The following MYBPC1 variants were observed in gnomAD, a reference collection of about 807,000 sequenced individuals.
MYBPC1 encodes the protein myosin binding protein C1.
A neutral mutation model predicts 147.1 loss-of-function variants in MYBPC1; 52 were observed. The observed-to-expected ratio is 0.35, with a 90% CI of 0.28 to 0.45. The LOEUF (loss-of-function observed/expected upper bound fraction) is 0.45, where lower values mean the gene tolerates loss of function less well. Ranked by LOEUF, MYBPC1 falls within the 20% of genes least tolerant of loss-of-function variation. MYBPC1 has a pLI of 1.00. For synonymous variants in MYBPC1, 477 were observed against 475.9 expected (o/e 1.00, Z -0.03); for missense variants, 1,228 against 1,440.3 (o/e 0.85, Z 2.39).
In MYBPC1 at chr12:101,618,463, G is replaced by A. The variant is rs571648166; in HGVS notation, c.103+1220G>A. On this transcript the variant is annotated intron_variant, in intron 3 of 31. Coordinates refer to ENST00000361466, the MANE Select transcript of MYBPC1 (RefSeq NM_002465.4). ...TCAAGGAGGTTTGGGCATCCTGGCT[G>A]AAATTATTGTAATATTATTCTCTAC... 2.9e-4 allele frequency among the ~76,000 whole-genome samples: 44 copies of A among 152,282 alleles called. No homozygotes were observed. In the South Asian group the frequency reaches 8.9e-3, roughly 31 times the overall value.
At chr12:101,615,662 GCCC>G (rs200320748) in intron 2 of MYBPC1, among the ~76,000 whole-genome samples, 1,137 of 43,468 alleles carry the variant, frequency 0.026, 30 homozygotes, top group African/African-American at 0.082. Context: ...AGAACCCCCC[GCCC>G]CCCCCCCGCC....
At position 101,615,997 on chromosome 12, in the gene MYBPC1, C is replaced by G. The variant is rs188094348; in HGVS notation, c.62-1205C>G. Among the ~76,000 whole-genome samples the G allele has an allele frequency of 3.3e-3, 497 of 151,340 alleles. 6 individuals carry two copies. Among genetic ancestry groups the G allele is most frequent in the Non-Finnish European group, 7.2e-4 (49 of 67,968 alleles). On this transcript the variant is annotated intron_variant, in intron 2 of 31. Transcript: ENST00000361466. ...CTCACCGCAGCCTCAAACTCTTGGG[C>G]GCAAGCAGAGATTGTTTTTCAGGAG...
At chr12:101,604,739 T>C (rs1346209606) in intron 1 of MYBPC1, among the ~76,000 whole-genome samples, 2 of 152,202 alleles carry the variant, frequency 1.3e-5, no homozygotes, top group Admixed American at 6.5e-5. Context: ...TTCTTTCCAA[T>C]TTTTCTTAGC....
chr12:101,627,407 T>C (rs1225784019), intron 4 of MYBPC1, among the ~76,000 whole-genome samples: 3 of 152,002 alleles, frequency 2.0e-5, no homozygotes. Flanking sequence ...CAAGCTGGGC[T>C]AATTTTTGTA....
At chr12:101,624,719 G>GTTTTTTTT (rs1888185227) in intron 3 of MYBPC1, among the ~76,000 whole-genome samples, 3 of 92,368 alleles carry the variant, frequency 3.2e-5, no homozygotes, top group African/African-American at 1.2e-4. Flanking sequence ...TACGGAGAGA[G>GTTTTTTTT]TCTTGTTATG....
intron 1 of MYBPC1, chr12:101,600,540 T>A (rs1879488128): frequency 6.6e-6 from 1 of 152,202 alleles, no homozygotes; most frequent in Non-Finnish European, 1.5e-5. Context: ...TTCTTTTCAA[T>A]TTTGTATGGT....
Position 101,655,021 on chromosome 12 carries a change from C to T in MYBPC1, c.1767+1773C>T, listed in dbSNP as rs959691944. On this transcript the variant is annotated intron_variant, in intron 18 of 31. Coordinates refer to ENST00000361466, the MANE Select transcript of MYBPC1 (RefSeq NM_002465.4). ...GACAAAATTAGCAATATCCTGCCAT[C>T]CAGTCAAACATTATGGTAGAGAAAT... Among the ~76,000 whole-genome samples the T allele has an allele frequency of 2.6e-5, 4 of 152,258 alleles. No individual in the cohort carries two copies. In the East Asian group the frequency reaches 7.7e-4, roughly 29 times the overall value.
the MYBPC1 span, among the ~76,000 whole-genome samples, chr12:101,693,415 A>G: frequency 0.51 from 77,950 of 151,940 alleles, 20,995 homozygotes; most frequent in Admixed American, 0.6. Flanking sequence ...ATGGCCCCCC[A>G]CAATACCCAC....
At chr12:101,689,987 CAACA>C (rs1263334400), downstream of MYBPC1, among the ~76,000 whole-genome samples, 1 of 152,136 alleles carries the variant, frequency 6.6e-6, no homozygotes, top group African/African-American at 2.4e-5. Context: ...CCAGCCTGGC[CAACA>C]TGGCGAAAAC....
downstream of MYBPC1, among the ~76,000 whole-genome samples, chr12:101,689,212 C>T (rs910962705): frequency 1.3e-5 from 2 of 152,154 alleles, no homozygotes; most frequent in Non-Finnish European, 2.9e-5. Context: ...ACTCTGAGCT[C>T]TCCACTAGCT....
intron 18 of MYBPC1, among the ~76,000 whole-genome samples, chr12:101,654,294 A>G (rs766202228): frequency 1.3e-5 from 2 of 152,192 alleles, no homozygotes; most frequent in Admixed American, 6.5e-5. Flanking sequence ...AATAACAGGA[A>G]CCAGATTTAC....
rs367952786 is a variant in MYBPC1 at position 101,653,261 on chromosome 12, C to A, written c.1767+13C>A. ...CCGGGGAGATAAGGTTTGTTTTATG[C>A]TTGCACACACTCACATGCACACACA... On this transcript the variant is annotated intron_variant, in intron 18 of 31. Coordinates refer to ENST00000361466, the MANE Select transcript of MYBPC1 (RefSeq NM_002465.4). 12 of 1,612,900 alleles carry A rather than the reference C, an allele frequency of 7.4e-6. No individual in the cohort carries two copies. The highest frequency in any genetic ancestry group is 1.3e-5 in the African/African-American group (1 of 74,910).
chr12:101,656,661 C>T (rs955715022), intron 18 of MYBPC1, among the ~76,000 whole-genome samples: 4 of 152,116 alleles, frequency 2.6e-5, no homozygotes, highest in Non-Finnish European at 5.9e-5. Flanking sequence ...TAATCCTTAA[C>T]ATGTATACAC....
At position 101,613,802 on chromosome 12, in the gene MYBPC1, C is replaced by T. The variant is rs111937387; in HGVS notation, c.26-694C>T. Reference sequence around the variant, plus strand: ...TGTAGGTGGGAATCTACTCCAAGCACGTATGCTTCCAGAAACAACTCTGAG... The same window carrying T: ...TGTAGGTGGGAATCTACTCCAAGCATGTATGCTTCCAGAAACAACTCTGAG... On this transcript the variant is annotated intron_variant, in intron 1 of 31. Transcript: ENST00000361466. Among the ~76,000 whole-genome samples, 430 of 151,544 alleles carry T rather than the reference C, an allele frequency of 2.8e-3. 1 individual carries two copies. Among genetic ancestry groups the T allele is most frequent in the African/African-American group, 0.01 (417 of 40,900 alleles).
At chr12:101,643,318 G>A (rs1393237050) in intron 11 of MYBPC1, among the ~76,000 whole-genome samples, 1 of 152,102 alleles carries the variant, frequency 6.6e-6, no homozygotes, top group East Asian at 1.9e-4. Flanking sequence ...GAGAAATGTA[G>A]TAGGGTTTTT....
chr12:101,659,951 T>A, intron 19 of MYBPC1, 120 bp downstream of exon 19: 8 of 1,339,172 alleles, frequency 6.0e-6, no homozygotes, highest in Non-Finnish European at 8.4e-6. Context: ...TATCTTCTTT[T>A]TTTTTCTTGC....
chr12:101,647,591 C>T (rs891745028), intron 13 of MYBPC1, among the ~76,000 whole-genome samples: 1 of 152,036 alleles, frequency 6.6e-6, no homozygotes, highest in Admixed American at 6.6e-5. Context: ...CAAAACAAAA[C>T]AAAACAAAAC....
intron 17 of MYBPC1, among the ~76,000 whole-genome samples, 165 bp downstream of exon 17, chr12:101,652,949 A>T (rs1235989364): frequency 6.6e-6 from 1 of 152,328 alleles, no homozygotes; most frequent in East Asian, 1.9e-4. Flanking sequence ...AACACCTTAC[A>T]ATAAAATGGT....
At chr12:101,635,981 T>A (rs978223607) in intron 9 of MYBPC1, among the ~76,000 whole-genome samples, 1 of 152,234 alleles carries the variant, frequency 6.6e-6, no homozygotes, top group African/African-American at 2.4e-5. Context: ...AAGAAAGCAC[T>A]TTTTTAAACT....
Sources: allele counts gnomAD v4.1 joint callset (sites outside exome capture counted in the v4.1 genomes callset), GRCh38; gene constraint gnomAD v4.1.1; transcripts MANE v1.5; gene names NCBI Gene and HGNC (gene_info 2026-07-23, HGNC 2026-07-21).